CASP2: variants seen among roughly 807,000 people sequenced by gnomAD.
CASP2 encodes caspase 2, also known as caspase-2.
A neutral mutation model predicts 54.4 loss-of-function variants in CASP2; 38 were observed. The ratio of observed to expected loss-of-function variants is 0.70; its 90% CI spans 0.54 to 0.92. The LOEUF is 0.92. Ranked by LOEUF, CASP2 falls within the 40% of genes least tolerant of loss-of-function variation. CASP2 has a pLI of 0.00. For missense variants in CASP2, 512 were observed against 579.6 expected, an observed-to-expected ratio of 0.88 and a Z score of 1.20; for synonymous variants, 215 against 216.3, an observed-to-expected ratio of 0.99 and a Z score of 0.05.
chr7:143,293,619 C>T (rs533253845), intron 4 of CASP2, among the ~76,000 whole-genome samples: 5 of 151,880 alleles, frequency 3.3e-5, no homozygotes, highest in African/African-American at 1.2e-4. Context: ...AAGTGATTCT[C>T]CTGCCTCAGC....
rs4647291 is a variant in CASP2 at position 143,292,495 on chromosome 7, T to C, written c.393+28T>C. The C allele has an allele frequency of 5.0e-3, 8,005 of 1,613,486 alleles. 73 individuals carry two copies. The highest frequency in any genetic ancestry group is 0.027 in the South Asian group (2,497 of 91,066). On this transcript the variant is annotated intron_variant, in intron 3 of 10. Coordinates refer to ENST00000310447, the MANE Select transcript of CASP2 (RefSeq NM_032982.4). ...ATGAAGCTTTAGTAATATGGGGTGT[T>C]GGGAAGGGTTAGTTTGACTGGAAAG...
At chr7:143,290,219 C>G (rs1163015654) in intron 1 of CASP2, among the ~76,000 whole-genome samples, 1 of 151,988 alleles carries the variant, frequency 6.6e-6, no homozygotes, top group African/African-American at 2.4e-5. Flanking sequence ...CAGCACCACA[C>G]TCGGCTAATT....
intron 4 of CASP2, among the ~76,000 whole-genome samples, chr7:143,292,904 G>A (rs772293314): frequency 1.3e-4 from 20 of 152,044 alleles, no homozygotes; most frequent in Non-Finnish European, 4.4e-5. Context: ...CCAGCTACTC[G>A]GGAAGCTGGG....
chr7:143,305,173 C>T lies in CASP2; in HGVS notation c.*102C>T. 2.1e-6 allele frequency: 3 copies of T among 1,458,996 alleles called. No individual in the cohort carries two copies. Among genetic ancestry groups the T allele is most frequent in the Non-Finnish European group, 2.9e-6 (3 of 1,049,824 alleles). The allele number at this position is 1,458,996 out of a possible 1,614,324, so 90.4% of individuals were successfully genotyped here. ...ATGCACGGTTTCTGTTCTGCCCCCT[C>T]AGGGATGTGGGAATCTCCCAGACTT... On this transcript the variant is annotated 3_prime_UTR_variant, in exon 11 of 11. Coordinates refer to ENST00000310447, the MANE Select transcript of CASP2 (RefSeq NM_032982.4).
chr7:143,299,948 T>G lies in CASP2; in HGVS notation c.773T>G (p.Phe258Cys). The G allele has an allele frequency of 6.2e-7, 1 of 1,614,186 alleles. No homozygotes were observed. The highest frequency in any genetic ancestry group is 8.5e-7 in the Non-Finnish European group (1 of 1,180,020). The change falls in exon 7 of 11, where the codon TTT (phenylalanine) becomes TGT (cysteine). Residue 258 changes from phenylalanine (F) to cysteine (C), a missense_variant. Transcript: ENST00000310447. The part of the protein sequence containing the change: ...AQEMQEKLQN[F>C]AQLPAHRVTD... ...GAAATGCAAGAGAAACTGCAGAATT[T>G]TGCACAGTTACCTGCACACCGAGTC...
intron 4 of CASP2, among the ~76,000 whole-genome samples, chr7:143,292,984 C>T (rs538103830): frequency 6.6e-6 from 1 of 152,112 alleles, no homozygotes; most frequent in Non-Finnish European, 1.5e-5. Context: ...GCACTCCAGC[C>T]TTGCCAACAG....
At chr7:143,288,825 T>C (rs1270131878) in intron 1 of CASP2, among the ~76,000 whole-genome samples, 2 of 152,220 alleles carry the variant, frequency 1.3e-5, no homozygotes, top group Non-Finnish European at 2.9e-5. Context: ...GCTCTTGGGT[T>C]CTCTTGAAGA....
chr7:143,288,492 C>T lies in CASP2; in HGVS notation c.37C>T (p.Gln13Ter). 1.2e-6 allele frequency: 2 copies of T among 1,613,412 alleles called. No homozygotes were observed. The highest frequency in any genetic ancestry group is 1.7e-6 in the Non-Finnish European group (2 of 1,179,690). Residue 13 changes from glutamine (Q) to a stop codon, truncating the protein, a stop_gained, in exon 1 of 11, where the codon CAG (glutamine) becomes TAG (stop). Coordinates refer to ENST00000310447, the MANE Select transcript of CASP2 (RefSeq NM_032982.4). LOFTEE classifies it high-confidence loss of function. ...APSAGSWSTFQHKELMAADRG... is the reference protein window; with the variant it reads ...APSAGSWSTF Reference sequence around the variant, plus strand: ...GAGCGCGGGGTCTTGGTCCACCTTCCAGCACAAGGAGCTGATGGCCGCTGA... The same window carrying T: ...GAGCGCGGGGTCTTGGTCCACCTTCTAGCACAAGGAGCTGATGGCCGCTGA...
In CASP2 at chr7:143,307,094, C is replaced by T. The variant is rs1802086798; in HGVS notation, c.*2023C>T. 1 of 152,236 alleles carries T rather than the reference C, an allele frequency of 6.6e-6. No individual in the cohort carries two copies. Among genetic ancestry groups the T allele is most frequent in the South Asian group, 2.1e-4 (1 of 4,832 alleles). 9.4% of individuals were successfully genotyped at this position (152,236 alleles called of 1,614,324 possible). ...CCTCAAGTCTTGACAATTCCCGGGC[C>T]CTTCAGTCCCTGAGCAGTCTACTTC... On this transcript the variant is annotated 3_prime_UTR_variant, in exon 11 of 11. Transcript: ENST00000310447.
In CASP2 at chr7:143,294,239, A is replaced by G; in HGVS notation, c.485A>G (p.Glu162Gly). The G allele has an allele frequency of 6.2e-7, 1 of 1,600,494 alleles. No individual in the cohort carries two copies. ...KKLRLSTDTV[E>G]HSLDNKDGPV... ...TCTGTCTATACCACAGATACTGTGG[A>G]ACACTCCCTAGACAATAAAGATGGT... Residue 162 changes from glutamate (E) to glycine (G), a missense_variant, in exon 5 of 11, where the codon GAA becomes GGA. Transcript: ENST00000310447.
chr7:143,300,502 G>T (rs1801883790), intron 8 of CASP2: 1 of 1,587,442 alleles, frequency 6.3e-7, no homozygotes, highest in Non-Finnish European at 8.5e-7. Flanking sequence ...TCTCAGGCTG[G>T]TCAGCTCTCC....
intron 1 of CASP2, 43 bp downstream of exon 1, chr7:143,288,572 G>A (rs1278795065): frequency 1.9e-6 from 3 of 1,555,470 alleles, no homozygotes; most frequent in African/African-American, 2.7e-5. Context: ...GGAGCCCAGG[G>A]AAGGGGAGCG....
At chr7:143,298,361 A>G (rs1801817138) in intron 6 of CASP2, among the ~76,000 whole-genome samples, 1 of 152,224 alleles carries the variant, frequency 6.6e-6, no homozygotes, top group South Asian at 2.1e-4. Flanking sequence ...CAGAAGACCC[A>G]GACATCGTGA....
chr7:143,292,420 G>T lies in CASP2; in HGVS notation c.346G>T (p.Asp116Tyr), dbSNP rs1266463947. 6.2e-7 allele frequency: 1 copy of T among 1,614,176 alleles called. No homozygotes were observed. The highest frequency in any genetic ancestry group is 1.7e-5 in the Admixed American group (1 of 60,018). ...LRETKQGHLE[D>Y]MLLTTLSGLQ... is the part of the protein sequence containing the mutation. ...GGAGACCAAGCAAGGCCACCTGGAG[G>T]ATATGTTGCTCACCACCCTTTCTGG... Residue 116 changes from aspartate to tyrosine, a missense_variant, in exon 3 of 11, where the codon GAT becomes TAT. This residue lies in a region of CASP2 where 417 missense variants were observed against 495.4 expected (regional missense o/e 0.84). Transcript: ENST00000310447.
At chr7:143,290,360 C>T (rs1479310535) in intron 1 of CASP2, among the ~76,000 whole-genome samples, 2 of 152,086 alleles carry the variant, frequency 1.3e-5, no homozygotes, top group Non-Finnish European at 2.9e-5. Flanking sequence ...CCGTGCCCGG[C>T]CTCCCCTCAT....
rs150650825 is a variant in CASP2 at position 143,306,204 on chromosome 7, T to A, written c.*1133T>A. The A allele has an allele frequency of 2.2e-4, 33 of 152,116 alleles. No individual in the cohort carries two copies. Among genetic ancestry groups the A allele is most frequent in the African/African-American group, 8.0e-4 (33 of 41,500 alleles). The allele number at this position is 152,116 out of a possible 1,614,324, so 9.4% of individuals were successfully genotyped here. On this transcript the variant is annotated 3_prime_UTR_variant, in exon 11 of 11. Coordinates refer to ENST00000310447, the MANE Select transcript of CASP2 (RefSeq NM_032982.4). ...TTATTGTTTTCAACCTAGAAACCTT[T>A]ATCCCTGCTTATCTGAAACTTCCCA...
At position 143,294,579 on chromosome 7, in the gene CASP2, C is replaced by T. The variant is rs369093330; in HGVS notation, c.571-18C>T. 5.3e-5 allele frequency: 86 copies of T among 1,612,356 alleles called. No individual in the cohort carries two copies. The highest frequency in any genetic ancestry group is 1.7e-4 in the Middle Eastern group (1 of 5,922). ...TGTTATCAAGACGCTCATGGTCTAA[C>T]TGGCCTCTCCTCCACAGGCATATAG... On this transcript the variant is annotated intron_variant, in intron 5 of 10. Coordinates refer to ENST00000310447, the MANE Select transcript of CASP2 (RefSeq NM_032982.4).
At chr7:143,291,737 A>G (rs781532310) in intron 2 of CASP2, 47 bp downstream of exon 2, 2 of 1,499,214 alleles carry the variant, frequency 1.3e-6, no homozygotes, top group Non-Finnish European at 1.9e-6. Context: ...TGGGGTGGGA[A>G]TAGAGCATGA....
chr7:143,293,197 A>G (rs568638147), intron 4 of CASP2: 151 of 644,830 alleles, frequency 2.3e-4, no homozygotes, highest in African/African-American at 2.3e-3. Flanking sequence ...ACACCACCAT[A>G]GCTCACTGCA....
Sources: gnomAD v4.1 joint callset for allele counts (sites outside exome capture counted in the v4.1 genomes callset) on GRCh38, gnomAD v4.1.1 for gene constraint, gnomAD v4.1.1 regional missense constraint, MANE v1.5 for transcripts, NCBI Gene and HGNC (gene_info 2026-07-23, HGNC 2026-07-21) for gene names.